The following GLI3 variants were observed in gnomAD, a reference collection of about 807,000 sequenced individuals.
GLI3 encodes GLI family zinc finger 3, also known as transcription activator GLI3.
Under a neutral mutation model 100.8 loss-of-function variants are expected in GLI3, and 20 were observed. The ratio of observed to expected loss-of-function variants is 0.20; its 90% CI spans 0.14 to 0.29. GLI3 has a LOEUF of 0.29. Ranked by LOEUF, GLI3 falls within the 10% of genes least tolerant of loss-of-function variation. The probability of loss-of-function intolerance (pLI) is 1.00; values close to 1 mark genes in which losing one functional copy is unlikely to be tolerated. For missense variants in GLI3, 2,040 were observed against 2,128.5 expected, an observed-to-expected ratio of 0.96 and a Z score of 0.82; for synonymous variants, 938 against 860.5, an observed-to-expected ratio of 1.09 and a Z score of -1.58.
chr7:42,112,366 G>A (rs972554008), intron 3 of GLI3, among the ~76,000 whole-genome samples: 7 of 151,992 alleles, frequency 4.6e-5, no homozygotes, highest in Non-Finnish European at 8.8e-5. Context: ...GGTTATGGGA[G>A]CAAAAACACA....
At chr7:42,040,668 G>T (rs938849422) in intron 6 of GLI3, among the ~76,000 whole-genome samples, 6 of 152,016 alleles carry the variant, frequency 3.9e-5, no homozygotes, top group African/African-American at 1.4e-4. Flanking sequence ...GCCAAAGGAA[G>T]GAAATGAATT....
chr7:42,134,654 C>T (rs1305721865), intron 3 of GLI3, among the ~76,000 whole-genome samples: 1 of 152,058 alleles, frequency 6.6e-6, no homozygotes, highest in East Asian at 1.9e-4. Flanking sequence ...AGCTGCGCAC[C>T]ACCCTCAGAA....
chr7:42,228,171 C>T (rs1788621551), intron 1 of GLI3, among the ~76,000 whole-genome samples: 1 of 152,100 alleles, frequency 6.6e-6, no homozygotes, highest in South Asian at 2.1e-4. Context: ...ATTACATCAG[C>T]GCGGGGAAGT....
chr7:42,233,754 C>G (rs1422423555), intron 1 of GLI3, among the ~76,000 whole-genome samples: 2 of 152,122 alleles, frequency 1.3e-5, no homozygotes, highest in Non-Finnish European at 2.9e-5. Flanking sequence ...TGCTTTGAAA[C>G]CAGAAACAGA....
At chr7:42,235,543 A>G (rs1562796315) in intron 1 of GLI3, among the ~76,000 whole-genome samples, 1 of 152,214 alleles carries the variant, frequency 6.6e-6, no homozygotes, top group Non-Finnish European at 1.5e-5. Context: ...CCTCATCCAA[A>G]TTCTGTACAA....
chr7:42,121,457 C>T (rs947318913), intron 3 of GLI3, among the ~76,000 whole-genome samples: 3 of 152,300 alleles, frequency 2.0e-5, no homozygotes. Context: ...CCCCTGCCCC[C>T]AAAATAGCAA....
chr7:42,095,638 T>A (rs1367763561), intron 3 of GLI3, among the ~76,000 whole-genome samples: 1 of 151,626 alleles, frequency 6.6e-6, no homozygotes, highest in Non-Finnish European at 1.5e-5. Context: ...CCCAGGTGAG[T>A]GTTAATGATG....
intron 6 of GLI3, among the ~76,000 whole-genome samples, chr7:42,040,722 T>C (rs1358414485): frequency 6.6e-6 from 1 of 152,198 alleles, no homozygotes; most frequent in Non-Finnish European, 1.5e-5. Context: ...ATGCCCTCAG[T>C]GCCCAGTGAT....
intron 3 of GLI3, chr7:42,113,234 G>C: frequency 2.2e-6 from 1 of 456,168 alleles, no homozygotes; most frequent in Non-Finnish European, 4.2e-6. Flanking sequence ...TGCATCTCTG[G>C]TGAGTAAGAA....
At chr7:42,182,216 G>A (rs77379983) in intron 2 of GLI3, among the ~76,000 whole-genome samples, 2,685 of 152,162 alleles carry the variant, frequency 0.018, 61 homozygotes, top group Middle Eastern at 0.075. Context: ...TTCAAATACG[G>A]CCAGTATGAC....
intron 2 of GLI3, among the ~76,000 whole-genome samples, chr7:42,217,611 T>C (rs934104742): frequency 6.6e-6 from 1 of 152,222 alleles, no homozygotes; most frequent in Non-Finnish European, 1.5e-5. Context: ...CAAGATTATC[T>C]TCCCTATTTT....
intron 4 of GLI3, among the ~76,000 whole-genome samples, chr7:42,073,342 G>T (rs926223080): frequency 6.6e-6 from 1 of 152,220 alleles, no homozygotes; most frequent in East Asian, 1.9e-4. Flanking sequence ...ACAAACTGAC[G>T]TATTTCCGTA....
intron 3 of GLI3, among the ~76,000 whole-genome samples, chr7:42,078,965 G>A (rs891179048): frequency 6.6e-6 from 1 of 151,998 alleles, no homozygotes; most frequent in Non-Finnish European, 1.5e-5. Flanking sequence ...TCCTGACCTC[G>A]TGATCTGCCC....
At chr7:41,997,999 G>A (rs1788175922) in intron 10 of GLI3, among the ~76,000 whole-genome samples, 1 of 152,080 alleles carries the variant, frequency 6.6e-6, no homozygotes, top group Non-Finnish European at 1.5e-5. Context: ...CTATATGCCG[G>A]CTGCACACTT....
At chr7:42,256,546 T>G (rs1789086994) in intron 1 of GLI3, among the ~76,000 whole-genome samples, 1 of 152,216 alleles carries the variant, frequency 6.6e-6, no homozygotes, top group Admixed American at 6.5e-5. Flanking sequence ...ACTATCCTTT[T>G]CCTTTCTAGT....
intron 4 of GLI3, among the ~76,000 whole-genome samples, chr7:42,056,939 G>A (rs1012319634): frequency 3.9e-4 from 58 of 148,680 alleles, no homozygotes; most frequent in Admixed American, 3.2e-3. Context: ...CTGAGATCAC[G>A]CCATTGCACT....
chr7:42,261,830 G>T (rs1459737739), intron 1 of GLI3, among the ~76,000 whole-genome samples: 1 of 150,682 alleles, frequency 6.6e-6, no homozygotes, highest in African/African-American at 2.5e-5. Context: ...GTTGACCCTG[G>T]CATCATAAGG....
chr7:42,234,624 C>T (rs1437348098), intron 1 of GLI3, among the ~76,000 whole-genome samples: 1 of 152,142 alleles, frequency 6.6e-6, no homozygotes, highest in Non-Finnish European at 1.5e-5. Flanking sequence ...ATGTTAAAGG[C>T]ACTGGGAATT....
rs774174070 is a variant in GLI3 at position 41,972,512 on chromosome 7, CGCT to C, written c.1925_1927del (p.Gln642del). The C allele has an allele frequency of 1.2e-6, 2 of 1,613,352 alleles. No homozygotes were observed. The highest frequency in any genetic ancestry group is 2.2e-5 in the South Asian group (2 of 91,058). The stretch of plus-strand genomic sequence containing the variant: ...TGGCGGCCGAGGATGGATGTCCCCT[CGCT>C]GCTTCTTGGTGACATGAGCCTCTGG... On this transcript the variant is annotated inframe_deletion, in exon 13 of 15. Coordinates refer to ENST00000395925, the MANE Select transcript of GLI3 (RefSeq NM_000168.6). This position sits in a 1 kb window ranked among gnomAD's most constrained non-coding sequence, Gnocchi z 4.4.
Sources: gnomAD v4.1 joint callset for allele counts (sites outside exome capture counted in the v4.1 genomes callset) on GRCh38, gnomAD v4.1.1 for gene constraint, Gnocchi (gnomAD v3.1) non-coding constraint, MANE v1.5 for transcripts, NCBI Gene and HGNC (gene_info 2026-07-23, HGNC 2026-07-21) for gene names.